WDR27: variants seen among roughly 807,000 people sequenced by gnomAD.
The protein encoded by WDR27 is WD repeat domain 27.
Under a neutral mutation model 114.4 loss-of-function variants are expected in WDR27, and 100 were observed. The ratio of observed to expected loss-of-function variants is 0.87; its 90% CI spans 0.74 to 1.03. WDR27 has a LOEUF of 1.03. WDR27 is among the 50% of genes least tolerant of loss of function. The probability of loss-of-function intolerance (pLI) is 0.00; values close to 1 mark genes in which losing one functional copy is unlikely to be tolerated. For synonymous variants in WDR27, 449 were observed against 423.1 expected, an observed-to-expected ratio of 1.06 and a Z score of -0.75; for missense variants, 1,129 against 1,092.9, an observed-to-expected ratio of 1.03 and a Z score of -0.47.
chr6:169,591,991 T>C lies in WDR27; in HGVS notation c.2425-9057A>G, dbSNP rs537496554. Among the ~76,000 whole-genome samples, 49 of 152,022 alleles carry C rather than the reference T, an allele frequency of 3.2e-4. 2 individuals are homozygous for C. The highest frequency in any genetic ancestry group is 3.1e-3 in the Admixed American group (48 of 15,264). ...CATTTAGAGGTTGCAAAGAGGGTAC[T>C]AAGGGTGATGGCTGGAATGTCACTG... On this transcript the variant is annotated intron_variant, in intron 23 of 25. Coordinates refer to ENST00000448612, the MANE Select transcript of WDR27 (RefSeq NM_182552.5).
intron 7 of WDR27, 167 bp from the exon 8 acceptor site, chr6:169,664,453 G>A: frequency 6.8e-7 from 1 of 1,481,052 alleles, no homozygotes; most frequent in Non-Finnish European, 8.9e-7. Context: ...ATCCCCTCTG[G>A]AGGCCCTCCG....
intron 25 of WDR27, among the ~76,000 whole-genome samples, chr6:169,507,862 C>T (rs1208122508): frequency 6.6e-6 from 1 of 152,038 alleles, no homozygotes; most frequent in African/African-American, 2.4e-5. Flanking sequence ...CCACATGTGG[C>T]ACTCTCACAG....
intron 25 of WDR27, among the ~76,000 whole-genome samples, chr6:169,509,867 T>C (rs1303954422): frequency 6.6e-6 from 1 of 152,182 alleles, no homozygotes; most frequent in African/African-American, 2.4e-5. Flanking sequence ...GAGAAAATTT[T>C]TGCAACCTAC....
At chr6:169,451,211 G>A in the WDR27 span, among the ~76,000 whole-genome samples, 7 of 152,122 alleles carry the variant, frequency 4.6e-5, no homozygotes, top group East Asian at 1.9e-4. Context: ...TTGTGCATTC[G>A]GTGAAAGGCT....
chr6:169,654,818 G>A (rs1277492673), intron 13 of WDR27, among the ~76,000 whole-genome samples: 1 of 151,740 alleles, frequency 6.6e-6, no homozygotes, highest in Non-Finnish European at 1.5e-5. Context: ...GAGGAGGAGG[G>A]GCGCTCAGAA....
chr6:169,568,203 C>A (rs1001208180), intron 25 of WDR27, among the ~76,000 whole-genome samples: 3 of 152,124 alleles, frequency 2.0e-5, no homozygotes, highest in African/African-American at 7.2e-5. Context: ...GAGAAAGAGG[C>A]AGAAGGTGAG....
chr6:169,529,111 T>C (rs1795275260), intron 25 of WDR27, among the ~76,000 whole-genome samples: 1 of 152,068 alleles, frequency 6.6e-6, no homozygotes, highest in Non-Finnish European at 1.5e-5. Flanking sequence ...ATCAGATAAA[T>C]TATGGTGCAC....
At chr6:169,660,866 G>C (rs1343357527) in intron 9 of WDR27, 100 bp from the exon 10 acceptor site, 2 of 952,726 alleles carry the variant, frequency 2.1e-6, no homozygotes, top group Non-Finnish European at 3.1e-6. Flanking sequence ...CTCCGCAGGA[G>C]TGGGGAGTGT....
At chr6:169,577,255 T>C (rs1357694528) in intron 24 of WDR27, among the ~76,000 whole-genome samples, 2 of 152,006 alleles carry the variant, frequency 1.3e-5, no homozygotes, top group Non-Finnish European at 1.5e-5. Context: ...AAAGTGGGAA[T>C]GGGACGCGGA....
At chr6:169,624,082 G>A (rs537738274) in intron 21 of WDR27, among the ~76,000 whole-genome samples, 26 of 152,066 alleles carry the variant, frequency 1.7e-4, no homozygotes, top group African/African-American at 5.5e-4. Flanking sequence ...CAGGTGTGCC[G>A]TGTGCAGCAT....
chr6:169,680,192 C>T (rs1334767770), intron 2 of WDR27, among the ~76,000 whole-genome samples: 1 of 152,138 alleles, frequency 6.6e-6, no homozygotes, highest in African/African-American at 2.4e-5. Flanking sequence ...CAGACGGAAA[C>T]ATGCATGTAC....
downstream of WDR27, among the ~76,000 whole-genome samples, chr6:169,455,258 C>G (rs1399113581): frequency 6.6e-6 from 1 of 152,210 alleles, no homozygotes; most frequent in African/African-American, 2.4e-5. Flanking sequence ...CATGGCTTCT[C>G]TCTGTGGCAC....
intron 25 of WDR27, among the ~76,000 whole-genome samples, chr6:169,486,082 T>C (rs1788841928): frequency 6.6e-6 from 1 of 151,768 alleles, no homozygotes. Flanking sequence ...CAAAATAACC[T>C]GCACAACAAA....
chr6:169,473,487 C>T (rs557381223), intron 25 of WDR27, among the ~76,000 whole-genome samples: 54 of 152,084 alleles, frequency 3.6e-4, no homozygotes, highest in African/African-American at 1.3e-3. Context: ...CAAAGTACAA[C>T]CTAGAATGAG....
chr6:169,657,055 C>A (rs1033555443), intron 13 of WDR27, among the ~76,000 whole-genome samples: 2 of 152,162 alleles, frequency 1.3e-5, no homozygotes, highest in Non-Finnish European at 2.9e-5. Flanking sequence ...GGGCAGTTCA[C>A]ACCGACAGTG....
At chr6:169,487,084 C>T (rs1160432615) in intron 25 of WDR27, among the ~76,000 whole-genome samples, 1 of 152,150 alleles carries the variant, frequency 6.6e-6, no homozygotes, top group Admixed American at 6.5e-5. Flanking sequence ...CATTCACCAG[C>T]CATGTCATCT....
In WDR27 at chr6:169,652,403, C is replaced by T. The variant is rs138087265; in HGVS notation, c.1403-395G>A. Among the ~76,000 whole-genome samples, 199 of 152,346 alleles carry T rather than the reference C, an allele frequency of 1.3e-3. 1 individual carries two copies. Among genetic ancestry groups the T allele is most frequent in the African/African-American group, 4.6e-3 (190 of 41,570 alleles). On this transcript the variant is annotated intron_variant, in intron 13 of 25. Coordinates refer to ENST00000448612, the MANE Select transcript of WDR27 (RefSeq NM_182552.5). ...AGCTGGGATTACAGGCACACGCCAC[C>T]ACGCCTGGCTAATTTTTGTATTTTT...
At chr6:169,596,678 GA>G (rs1467518260) in intron 23 of WDR27, among the ~76,000 whole-genome samples, 1 of 151,838 alleles carries the variant, frequency 6.6e-6, no homozygotes, top group Non-Finnish European at 1.5e-5. Flanking sequence ...AGGAGATATA[GA>G]AAAAAATAGA....
At chr6:169,698,925 T>C (rs759441182) in intron 1 of WDR27, among the ~76,000 whole-genome samples, 1 of 152,202 alleles carries the variant, frequency 6.6e-6, no homozygotes, top group African/African-American at 2.4e-5. Context: ...CTACCTTGAC[T>C]GATGTGGGTA....
Sources: gnomAD v4.1 joint callset for allele counts (sites outside exome capture counted in the v4.1 genomes callset) on GRCh38, gnomAD v4.1.1 for gene constraint, MANE v1.5 for transcripts, NCBI Gene and HGNC (gene_info 2026-07-23, HGNC 2026-07-21) for gene names.